AKAP19: variants seen among roughly 807,000 people sequenced by gnomAD.
AKAP19 encodes small A-kinase anchoring protein.
At chr2:190,057,324 A>G in the AKAP19 span, 70 of 1,613,374 alleles carry the variant, frequency 4.3e-5, no homozygotes, top group Middle Eastern at 1.6e-4. Context: ...GTTCTTTGCC[A>G]TTAAAATATA....
chr2:190,062,785 G>A, the AKAP19 span: 12 of 571,946 alleles, frequency 2.1e-5, no homozygotes, highest in African/African-American at 7.5e-5. Context: ...GACAAGTGTC[G>A]TCAGGATCTA....
chr2:190,180,968 A>G, the AKAP19 span: 8 of 985,410 alleles, frequency 8.1e-6, no homozygotes, highest in African/African-American at 5.2e-5. The surrounding 1 kb of genome is among the most constrained non-coding windows in gnomAD (Gnocchi z 6.8). Context: ...CCGCCCGCCC[A>G]GACGCCAGCA....
At chr2:190,180,658 C>T in the AKAP19 span, 2 of 985,682 alleles carry the variant, frequency 2.0e-6, no homozygotes, top group Non-Finnish European at 2.4e-6. This position sits in a 1 kb window ranked among gnomAD's most constrained non-coding sequence, Gnocchi z 6.8. Context: ...GACCCTGCGC[C>T]TGAGGAAGTA....
chr2:190,162,799 AT>A, the AKAP19 span, among the ~76,000 whole-genome samples: 6,230 of 152,060 alleles, frequency 0.041, 406 homozygotes, highest in African/African-American at 0.14. Context: ...CATGGAAGCA[AT>A]TTTTTTTAGG....
the AKAP19 span, among the ~76,000 whole-genome samples, chr2:190,051,039 G>A: frequency 3.3e-5 from 5 of 152,224 alleles, no homozygotes; most frequent in African/African-American, 1.2e-4. Flanking sequence ...AGTAAAAGCT[G>A]GTCAATTTTG....
the AKAP19 span, among the ~76,000 whole-genome samples, chr2:190,002,574 GA>G: frequency 1.6e-4 from 24 of 151,670 alleles, no homozygotes; most frequent in Non-Finnish European, 3.2e-4. Context: ...AAGAAATAAA[GA>G]AAAAAAACAG....
At chr2:190,065,641 G>A in the AKAP19 span, among the ~76,000 whole-genome samples, 43 of 152,110 alleles carry the variant, frequency 2.8e-4, no homozygotes, top group Non-Finnish European at 2.6e-4. Flanking sequence ...CATAAAACAA[G>A]GTTATATATT....
At chr2:189,888,304 G>C in the AKAP19 span, among the ~76,000 whole-genome samples, 1 of 152,104 alleles carries the variant, frequency 6.6e-6, no homozygotes, top group Admixed American at 6.5e-5. Context: ...TATTCCATTG[G>C]TCTATATATC....
At chr2:190,055,963 G>T in the AKAP19 span, 1 of 152,448 alleles carries the variant, frequency 6.6e-6, no homozygotes, top group Admixed American at 6.6e-5. Flanking sequence ...TAATGTTTTT[G>T]CAAGTATTAA....
At chr2:190,065,427 A>T in the AKAP19 span, among the ~76,000 whole-genome samples, 1 of 152,172 alleles carries the variant, frequency 6.6e-6, no homozygotes, top group African/African-American at 2.4e-5. Context: ...TGTACACCTA[A>T]AAATGGTTAA....
the AKAP19 span, among the ~76,000 whole-genome samples, chr2:189,901,596 C>T: frequency 6.6e-6 from 1 of 152,104 alleles, no homozygotes; most frequent in South Asian, 2.1e-4. Context: ...TCTCTGCCTC[C>T]CAAAGTGCTG....
chr2:190,036,208 T>C, the AKAP19 span, among the ~76,000 whole-genome samples: 1 of 152,206 alleles, frequency 6.6e-6, no homozygotes, highest in Non-Finnish European at 1.5e-5. Context: ...TATGACTGCT[T>C]ACTGCTGGCA....
the AKAP19 span, among the ~76,000 whole-genome samples, chr2:190,131,091 G>A: frequency 2.4e-4 from 37 of 152,092 alleles, no homozygotes; most frequent in Non-Finnish European, 4.9e-4. Flanking sequence ...TGAGTGATAG[G>A]GATGCTAGAA....
At chr2:190,057,769 C>A in the AKAP19 span, 1 of 923,474 alleles carries the variant, frequency 1.1e-6, no homozygotes, top group Admixed American at 2.1e-5. Flanking sequence ...TTAAAAGGCA[C>A]AGCATTAAGG....
chr2:190,174,609 G>A, the AKAP19 span, among the ~76,000 whole-genome samples: 1 of 152,240 alleles, frequency 6.6e-6, no homozygotes, highest in African/African-American at 2.4e-5. Flanking sequence ...AACACCCAAG[G>A]CAGTGAAACA....
chr2:190,121,737 A>G, the AKAP19 span, among the ~76,000 whole-genome samples: 4 of 152,224 alleles, frequency 2.6e-5, no homozygotes, highest in Non-Finnish European at 5.9e-5. Flanking sequence ...TTTTCAAAGG[A>G]ATCAGTTCAG....
chr2:189,938,967 C>A, the AKAP19 span, among the ~76,000 whole-genome samples: 1 of 152,226 alleles, frequency 6.6e-6, no homozygotes, highest in Non-Finnish European at 1.5e-5. Context: ...CTCCTCCTGA[C>A]TCATGGTTTC....
the AKAP19 span, among the ~76,000 whole-genome samples, chr2:189,914,933 T>C: frequency 1.3e-5 from 2 of 152,124 alleles, no homozygotes; most frequent in Non-Finnish European, 2.9e-5. Flanking sequence ...TTAACAACTT[T>C]ACATTTTGCC....
the AKAP19 span, among the ~76,000 whole-genome samples, chr2:190,134,216 A>G: frequency 1.3e-5 from 2 of 152,294 alleles, no homozygotes; most frequent in East Asian, 1.9e-4. Context: ...AAGGTGTTTG[A>G]ACTTATATGG....
Sources: allele counts gnomAD v4.1 joint callset (sites outside exome capture counted in the v4.1 genomes callset), GRCh38; gene constraint gnomAD v4.1.1; non-coding constraint Gnocchi (gnomAD v3.1); transcripts MANE v1.5; gene names NCBI Gene and HGNC (gene_info 2026-07-23, HGNC 2026-07-21).